The following ABCG2 variants were observed in gnomAD, a reference collection of about 807,000 sequenced individuals.
ABCG2 encodes the protein broad substrate specificity ATP-binding cassette transporter ABCG2.
A neutral mutation model predicts 73.5 loss-of-function variants in ABCG2; 80 were observed. That is an observed-to-expected ratio of 1.09 (90% CI 0.91 to 1.31). The LOEUF is 1.31. Ranked by LOEUF, ABCG2 falls within the 50% of genes most tolerant of loss-of-function variation. The pLI, the probability that ABCG2 is intolerant of heterozygous loss-of-function variation, is 0.00. For synonymous variants in ABCG2, 269 were observed against 282.4 expected, an observed-to-expected ratio of 0.95 and a Z score of 0.48; for missense variants, 796 against 786.2, an observed-to-expected ratio of 1.01 and a Z score of -0.15.
chr4:88,217,444 T>G (rs1729854280), intron 1 of ABCG2, among the ~76,000 whole-genome samples: 1 of 152,158 alleles, frequency 6.6e-6, no homozygotes, highest in African/African-American at 2.4e-5. Flanking sequence ...GCAGATCACT[T>G]GAGGTCAGGT....
In ABCG2 at chr4:88,092,406, T is replaced by A. The variant is rs911973976; in HGVS notation, c.1821-25A>T. ...TCTGAAATTAAACAGAAAAAGAATA[T>A]AACTTCATTCCTAGCATCCGTCAAA... On this transcript the variant is annotated intron_variant, in intron 15 of 15. Coordinates refer to ENST00000237612, the MANE Select transcript of ABCG2 (RefSeq NM_004827.3). The A allele has an allele frequency of 3.1e-6, 5 of 1,600,844 alleles. No individual in the cohort carries two copies. In the African/African-American group the frequency reaches 6.7e-5, roughly 22 times the overall value.
chr4:88,184,397 T>A (rs997272225), intron 1 of ABCG2, among the ~76,000 whole-genome samples: 1 of 152,146 alleles, frequency 6.6e-6, no homozygotes, highest in East Asian at 1.9e-4. Flanking sequence ...TCAGTAGCAT[T>A]TCTATATGTC....
chr4:88,125,050 C>T (rs141471965), intron 5 of ABCG2, among the ~76,000 whole-genome samples: 14,150 of 150,264 alleles, frequency 0.094, 966 homozygotes, highest in East Asian at 0.31. Flanking sequence ...CCCAGCACTT[C>T]GGAAGGCTGA....
At chr4:88,231,600 TC>T (rs891535547), upstream of ABCG2, among the ~76,000 whole-genome samples, 3 of 152,104 alleles carry the variant, frequency 2.0e-5, no homozygotes, top group Non-Finnish European at 4.4e-5. Flanking sequence ...TGCGTAAACT[TC>T]CTGTGCTTTT....
chr4:88,165,030 T>C (rs2110088882), intron 1 of ABCG2, among the ~76,000 whole-genome samples: 1 of 152,262 alleles, frequency 6.6e-6, no homozygotes, highest in East Asian at 1.9e-4. Context: ...CTGCCTGCCT[T>C]GGACTCCCAA....
chr4:88,092,496 C>G, intron 15 of ABCG2, 115 bp from the exon 16 acceptor site: 1 of 1,077,910 alleles, frequency 9.3e-7, no homozygotes, highest in Non-Finnish European at 1.3e-6. Context: ...TTAATAATTA[C>G]CCCTTCAGAT....
At chr4:88,175,693 G>A (rs917838155) in intron 1 of ABCG2, among the ~76,000 whole-genome samples, 1 of 152,128 alleles carries the variant, frequency 6.6e-6, no homozygotes, top group African/African-American at 2.4e-5. Context: ...GCCAGTGAAA[G>A]GCCCTTCAAA....
intron 1 of ABCG2, among the ~76,000 whole-genome samples, chr4:88,180,063 A>T (rs1337554691): frequency 3.9e-5 from 6 of 152,202 alleles, no homozygotes; most frequent in African/African-American, 1.2e-4. Context: ...GAAAAATATC[A>T]ATATTCAAGT....
chr4:88,167,363 C>T (rs574797544), intron 1 of ABCG2, among the ~76,000 whole-genome samples: 1 of 143,762 alleles, frequency 7.0e-6, no homozygotes, highest in Admixed American at 7.2e-5. Flanking sequence ...CCAACTGTCC[C>T]TTCTGCCTTT....
chr4:88,198,298 A>G (rs1207437286), intron 1 of ABCG2, among the ~76,000 whole-genome samples: 1 of 152,164 alleles, frequency 6.6e-6, no homozygotes, highest in Non-Finnish European at 1.5e-5. Flanking sequence ...GTGCCACTGC[A>G]CTTCAGCCTG....
At chr4:88,131,992 C>A in intron 3 of ABCG2, 75 bp from the exon 4 acceptor site, 2 of 1,011,748 alleles carry the variant, frequency 2.0e-6, no homozygotes, top group Non-Finnish European at 3.0e-6. Flanking sequence ...TTTTTCCCTC[C>A]AACACATGCT....
intron 1 of ABCG2, among the ~76,000 whole-genome samples, chr4:88,224,385 C>A (rs1443022510): frequency 6.6e-6 from 1 of 152,052 alleles, no homozygotes; most frequent in Non-Finnish European, 1.5e-5. Flanking sequence ...CTGAAATGAG[C>A]CGAGATGGTG....
chr4:88,177,560 A>G (rs551392655), intron 1 of ABCG2, among the ~76,000 whole-genome samples: 2 of 152,164 alleles, frequency 1.3e-5, no homozygotes, highest in Non-Finnish European at 2.9e-5. Context: ...CCACGGGAAC[A>G]CCAAATTGAA....
rs1729946161 is a variant in ABCG2 at position 88,219,758 on chromosome 4, T to TC, written c.-20+11235_-20+11236insG. ...TGCCACGCCTGGCTATTTTTTTTTT[T>TC]TTTTGTATTTTTAGTAGAGATGGGG... On this transcript the variant is annotated intron_variant, in intron 1 of 15. Transcript: ENST00000515655. 4.0e-5 allele frequency among the ~76,000 whole-genome samples: 6 copies of TC among 150,478 alleles called. No homozygotes were observed. In the South Asian group the frequency reaches 1.3e-3, roughly 32 times the overall value.
chr4:88,218,951 C>A (rs1729910422), intron 1 of ABCG2, among the ~76,000 whole-genome samples: 1 of 152,080 alleles, frequency 6.6e-6, no homozygotes, highest in Admixed American at 6.6e-5. Flanking sequence ...CCAAAGCAGC[C>A]ATTGACGGTA....
chr4:88,147,042 AAAG>A (rs1357552914), intron 1 of ABCG2, among the ~76,000 whole-genome samples: 1 of 150,944 alleles, frequency 6.6e-6, no homozygotes, highest in Non-Finnish European at 1.5e-5. Context: ...AGAAAGAAAG[AAAG>A]AAAAGAAAGG....
At chr4:88,118,600 T>A (rs1231261991) in intron 6 of ABCG2, among the ~76,000 whole-genome samples, 1 of 152,196 alleles carries the variant, frequency 6.6e-6, no homozygotes, top group Non-Finnish European at 1.5e-5. Context: ...CCAGGTAATC[T>A]GCAAGTATTT....
intron 13 of ABCG2, among the ~76,000 whole-genome samples, chr4:88,096,635 ATGTTCC>A (rs927703266): frequency 5.9e-5 from 9 of 152,150 alleles, no homozygotes; most frequent in African/African-American, 2.2e-4. Context: ...CAGACAGGAC[ATGTTCC>A]TGTCAAGTAT....
At chr4:88,108,151 GTTAATT>G (rs1560664921) in intron 9 of ABCG2, among the ~76,000 whole-genome samples, 1 of 152,168 alleles carries the variant, frequency 6.6e-6, no homozygotes, top group Non-Finnish European at 1.5e-5. Flanking sequence ...TAAGCAAAGG[GTTAATT>G]TAAGGGTTAC....
Sources: gnomAD v4.1 joint callset for allele counts (sites outside exome capture counted in the v4.1 genomes callset) on GRCh38, gnomAD v4.1.1 for gene constraint, MANE v1.5 for transcripts, NCBI Gene and HGNC (gene_info 2026-07-23, HGNC 2026-07-21) for gene names.